Variants in CCDC9 observed in about 807,000 individuals in gnomAD.
CCDC9 encodes the protein coiled-coil domain-containing protein 9.
CCDC9 carries 52 observed loss-of-function variants against 65.6 expected under a neutral mutation model. The ratio of observed to expected loss-of-function variants is 0.79; its 90% confidence interval spans 0.63 to 1.00. CCDC9 has a LOEUF of 1.00. Ranked by LOEUF, CCDC9 falls within the 50% of genes least tolerant of loss-of-function variation. The pLI, the probability that CCDC9 is intolerant of heterozygous loss-of-function variation, is 0.00. For missense variants in CCDC9, 834 were observed against 757.2 expected, an observed-to-expected ratio of 1.10 and a Z score of -1.19; for synonymous variants, 332 against 280.3, an observed-to-expected ratio of 1.18 and a Z score of -1.84.
At chr19:47,259,667 T>C (rs1408243678) in intron 3 of CCDC9, among the ~76,000 whole-genome samples, 3 of 152,202 alleles carry the variant, frequency 2.0e-5, no homozygotes, top group African/African-American at 4.8e-5. Flanking sequence ...AAAAGGCATA[T>C]TGAATTTCCC....
downstream of CCDC9, chr19:47,275,584 CT>C (rs2059155251): frequency 1.8e-6 from 1 of 570,662 alleles, no homozygotes; most frequent in Non-Finnish European, 3.1e-6. Flanking sequence ...ATCCTGAGCT[CT>C]GTCTCCTGCC....
chr19:47,266,709 G>C lies in CCDC9; in HGVS notation c.819G>C (p.Lys273Asn). The C allele has an allele frequency of 6.2e-7, 1 of 1,611,760 alleles. No homozygotes were observed. Among genetic ancestry groups the C allele is most frequent in the Non-Finnish European group, 8.5e-7 (1 of 1,178,968 alleles). ...EYLRWKQERE[K>N]IDQERLQRHR... is the part of the protein sequence containing the mutation. The stretch of plus-strand genomic sequence containing the variant: ...TGCGCTGGAAGCAGGAGAGGGAGAA[G>C]ATCGACCAGGAGCGGCTGCAGAGGC... The change falls in exon 8 of 12, where the codon AAG becomes AAC. Residue 273 changes from lysine to asparagine, a missense_variant. By Grantham distance (94) the Lys-to-Asn change is moderately conservative (BLOSUM62 0). Coordinates refer to ENST00000221922, the MANE Select transcript of CCDC9 (RefSeq NM_015603.3).
chr19:47,273,535 G>C, downstream of CCDC9: 1 of 471,882 alleles, frequency 2.1e-6, no homozygotes, highest in Non-Finnish European at 3.4e-6. Flanking sequence ...CTCTGCTTCT[G>C]CCACACTCCA....
chr19:47,275,209 T>C (rs2059150823), downstream of CCDC9: 1 of 1,525,228 alleles, frequency 6.6e-7, no homozygotes, highest in Non-Finnish European at 8.8e-7. Flanking sequence ...TCCTGCCTCC[T>C]GGGAGTCCCC....
chr19:47,266,467 A>G, intron 7 of CCDC9, 144 bp from the exon 8 acceptor site: 1 of 1,273,960 alleles, frequency 7.8e-7, no homozygotes, highest in East Asian at 2.8e-5. Flanking sequence ...CTCTGTGAGG[A>G]GGTGCCACCT....
intron 9 of CCDC9, 32 bp downstream of exon 9, chr19:47,270,485 C>G (rs373016166): frequency 6.2e-7 from 1 of 1,614,180 alleles, no homozygotes; most frequent in Admixed American, 1.7e-5. Context: ...AGCTGAGGCT[C>G]GGTCTGGGAG....
chr19:47,275,101 C>A, downstream of CCDC9: 1 of 1,493,636 alleles, frequency 6.7e-7, no homozygotes, highest in Non-Finnish European at 8.9e-7. Context: ...ACGCGGTCTC[C>A]CGCGGCACCC....
intron 8 of CCDC9, among the ~76,000 whole-genome samples, chr19:47,270,190 A>G (rs1358182627): frequency 2.6e-5 from 4 of 151,774 alleles, no homozygotes; most frequent in African/African-American, 9.7e-5. Context: ...GCTGGTCTTG[A>G]ACTCCTGGGC....
chr19:47,267,661 C>T (rs936403805), intron 8 of CCDC9, among the ~76,000 whole-genome samples: 2 of 152,140 alleles, frequency 1.3e-5, no homozygotes, highest in African/African-American at 2.4e-5. Context: ...CTCACTGGGG[C>T]GGGGAAATAA....
At chr19:47,271,051 C>T (rs2059113067) in intron 10 of CCDC9, 31 bp from the exon 11 acceptor site, 1 of 1,476,626 alleles carries the variant, frequency 6.8e-7, no homozygotes, top group African/African-American at 1.4e-5. Context: ...ACTCTCCACC[C>T]AGGCATCACC....
At chr19:47,259,847 C>T (rs1337051337) in intron 3 of CCDC9, among the ~76,000 whole-genome samples, 1 of 152,114 alleles carries the variant, frequency 6.6e-6, no homozygotes, top group Non-Finnish European at 1.5e-5. Flanking sequence ...GAGAGGGTGG[C>T]AGGGGAGCTG....
intron 5 of CCDC9, among the ~76,000 whole-genome samples, chr19:47,262,304 C>T (rs967537497): frequency 4.6e-5 from 7 of 150,948 alleles, no homozygotes; most frequent in Admixed American, 4.0e-4. Flanking sequence ...GCAACCTCCG[C>T]CTCCTGGGTT....
chr19:47,268,414 G>T (rs2059096163), intron 8 of CCDC9, among the ~76,000 whole-genome samples: 1 of 152,164 alleles, frequency 6.6e-6, no homozygotes, highest in South Asian at 2.1e-4. Flanking sequence ...GGAGGATTTT[G>T]TCTGTTTGCC....
downstream of CCDC9, chr19:47,275,630 A>C: frequency 2.1e-6 from 1 of 482,798 alleles, no homozygotes; most frequent in South Asian, 3.4e-5. Context: ...CAGAGCCCAC[A>C]GCCCATCTGC....
Position 47,260,845 on chromosome 19 carries a change from A to C in CCDC9, c.462+6A>C. ...TCTCTGACCGTAAATCCAAGGTAGGAGCTAGGCAGCGCCTGGAGCCCTGGC... is the reference window on the plus strand; with the variant it reads ...TCTCTGACCGTAAATCCAAGGTAGGCGCTAGGCAGCGCCTGGAGCCCTGGC... On this transcript the variant is annotated splice_donor_region_variant and intron_variant, in intron 5 of 11. Transcript: ENST00000221922. The C allele has an allele frequency of 6.2e-7, 1 of 1,607,138 alleles. No homozygotes were observed. The highest frequency in any genetic ancestry group is 1.7e-4 in the Middle Eastern group (1 of 6,020).
At chr19:47,274,963 G>T, downstream of CCDC9, 1 of 1,399,320 alleles carries the variant, frequency 7.1e-7, no homozygotes, top group Non-Finnish European at 9.2e-7. Flanking sequence ...GAGAGCCCCG[G>T]AGGCGCGGGG....
At chr19:47,273,675 C>T (rs1402514919), downstream of CCDC9, 4 of 387,960 alleles carry the variant, frequency 1.0e-5, no homozygotes, top group Non-Finnish European at 1.8e-5. Flanking sequence ...GACGCTTCCG[C>T]GTTAGTCTCC....
Position 47,271,730 on chromosome 19 carries a change from TGTGCGC to T in CCDC9, c.*54_*59del, listed in dbSNP as rs1473042156. ...GTGTGTGTGTGTGTGTGTGTGTGTG[TGTGCGC>T]GCGCGCGCGCGCGCGCGCGCGCGCT... On this transcript the variant is annotated 3_prime_UTR_variant, in exon 12 of 12. Coordinates refer to ENST00000221922, the MANE Select transcript of CCDC9 (RefSeq NM_015603.3). 4.5e-4 allele frequency: 301 copies of T among 672,156 alleles called. No individual in the cohort carries two copies. The highest frequency in any genetic ancestry group is 2.4e-3 in the African/African-American group (42 of 17,158). The allele number at this position is 672,156 out of a possible 1,614,324, so 41.6% of individuals were successfully genotyped here.
chr19:47,257,076 A>C (rs1356317726), intron 1 of CCDC9, among the ~76,000 whole-genome samples: 2 of 142,398 alleles, frequency 1.4e-5, no homozygotes, highest in Non-Finnish European at 3.1e-5. Flanking sequence ...GCTGGCGGGG[A>C]ATGCTGGGGG....
Sources: allele counts gnomAD v4.1 joint callset (sites outside exome capture counted in the v4.1 genomes callset), GRCh38; gene constraint gnomAD v4.1.1; transcripts MANE v1.5; gene names NCBI Gene and HGNC (gene_info 2026-07-23, HGNC 2026-07-21).